The following LOXHD1 variants were observed in gnomAD, a reference collection of about 807,000 sequenced individuals.
The protein encoded by LOXHD1 is lipoxygenase homology PLAT domains 1, also known as lipoxygenase homology domain-containing protein 1.
LOXHD1 carries 205 observed loss-of-function variants against 248.2 expected under a neutral mutation model. The ratio of observed to expected loss-of-function variants is 0.83; its 90% confidence interval spans 0.74 to 0.93. The LOEUF is 0.93. Ranked by LOEUF, LOXHD1 falls within the 40% of genes least tolerant of loss-of-function variation. The probability of loss-of-function intolerance (pLI) is 0.00; values close to 1 mark genes in which losing one functional copy is unlikely to be tolerated. For missense variants in LOXHD1, 2,930 were observed against 2,971.6 expected (o/e 0.99, Z 0.33); for synonymous variants, 1,113 against 1,162.8 (o/e 0.96, Z 0.87).
intron 19 of LOXHD1, 130 bp from the exon 20 acceptor site, chr18:46,559,732 G>A: frequency 1.9e-6 from 2 of 1,067,570 alleles, no homozygotes; most frequent in Non-Finnish European, 2.7e-6. Flanking sequence ...ACTAACCTGG[G>A]ACTGAAACTG....
Position 46,657,141 on chromosome 18 carries a change from T to G in LOXHD1, c.-108A>C. On this transcript the variant is annotated 5_prime_UTR_variant, in exon 1 of 41. Coordinates refer to ENST00000642948, the MANE Select transcript of LOXHD1 (RefSeq NM_001384474.1). ...AGCTCTGGCGCCCACGGCCCTCCTA[T>G]AGCTCAGGCCTGGGTGGGCCAGAGT... 6.6e-7 allele frequency: 1 copy of G among 1,519,538 alleles called. No homozygotes were observed. Among genetic ancestry groups the G allele is most frequent in the Non-Finnish European group, 8.9e-7 (1 of 1,128,318 alleles). The allele number at this position is 1,519,538 out of a possible 1,614,324, so 94.1% of individuals were successfully genotyped here. A position where few individuals can be genotyped will look rare whatever the true frequency, so the allele number is the denominator to read the frequency against.
chr18:46,608,253 G>A (rs181660174), intron 6 of LOXHD1, among the ~76,000 whole-genome samples: 39 of 152,214 alleles, frequency 2.6e-4, no homozygotes, highest in South Asian at 1.7e-3. Context: ...AGAAGTTAAC[G>A]GAATACAATC....
intron 29 of LOXHD1, among the ~76,000 whole-genome samples, chr18:46,525,974 G>C (rs1468299126): frequency 2.0e-5 from 3 of 152,314 alleles, no homozygotes; most frequent in Admixed American, 6.5e-5. Flanking sequence ...TCAGCATTAA[G>C]CTGCAGCTGG....
chr18:46,499,403 C>A (rs2034082688), intron 37 of LOXHD1, among the ~76,000 whole-genome samples: 1 of 152,118 alleles, frequency 6.6e-6, no homozygotes, highest in African/African-American at 2.4e-5. Flanking sequence ...TAAGTTACTT[C>A]ATGCAAGGTG....
chr18:46,565,027 C>A (rs186666377), intron 17 of LOXHD1, among the ~76,000 whole-genome samples: 1 of 152,028 alleles, frequency 6.6e-6, no homozygotes, highest in Non-Finnish European at 1.5e-5. Flanking sequence ...ACTTTGGGAG[C>A]CCAAGGCGGG....
At chr18:46,494,623 G>A (rs143314772) in intron 37 of LOXHD1, among the ~76,000 whole-genome samples, 1 of 152,208 alleles carries the variant, frequency 6.6e-6, no homozygotes, top group East Asian at 1.9e-4. Flanking sequence ...TCTGGGATCT[G>A]GCAGATCAGG....
At chr18:46,625,840 C>G (rs1398775066) in intron 4 of LOXHD1, among the ~76,000 whole-genome samples, 1 of 152,174 alleles carries the variant, frequency 6.6e-6, no homozygotes, top group Non-Finnish European at 1.5e-5. Context: ...TGCTTCCTTT[C>G]CTGCCTCTCT....
At chr18:46,513,646 TC>T (rs2035093917) in intron 34 of LOXHD1, among the ~76,000 whole-genome samples, 1 of 152,222 alleles carries the variant, frequency 6.6e-6, no homozygotes, top group South Asian at 2.1e-4. Flanking sequence ...GTGGATTCTC[TC>T]CCAGAGCCTG....
At chr18:46,494,751 G>T (rs1201252781) in intron 37 of LOXHD1, among the ~76,000 whole-genome samples, 1 of 151,620 alleles carries the variant, frequency 6.6e-6, no homozygotes, top group African/African-American at 2.4e-5. Context: ...CATTAGGCTG[G>T]TTCAAAAGTC....
At chr18:46,528,032 A>C (rs1289887020) in intron 29 of LOXHD1, among the ~76,000 whole-genome samples, 1 of 152,324 alleles carries the variant, frequency 6.6e-6, no homozygotes, top group East Asian at 1.9e-4. Flanking sequence ...AGACCCACTT[A>C]GATGACACCC....
At chr18:46,481,630 C>A (rs2032576400) in intron 40 of LOXHD1, among the ~76,000 whole-genome samples, 1 of 152,220 alleles carries the variant, frequency 6.6e-6, no homozygotes, top group African/African-American at 2.4e-5. Context: ...CCCCTGCAAC[C>A]CCTTCACTTC....
chr18:46,639,784 T>C lies in LOXHD1; in HGVS notation c.343A>G (p.Thr115Ala), dbSNP rs763296984. ...AGGTACCAGCTGGCATTCAAGCCCG[T>C]GTTGTCATGCTCAATCCTGAGGCAG... ...IYKVRIEHDN[T>A]GLNASWYLDH... The change falls in exon 4 of 41, where the codon ACG becomes GCG. Residue 115 changes from threonine (T) to alanine (A), a missense_variant. Thr to Ala is a moderately conservative substitution (Grantham distance 58, BLOSUM62 0). Coordinates refer to ENST00000642948, the MANE Select transcript of LOXHD1 (RefSeq NM_001384474.1). 1.3e-6 allele frequency: 2 copies of C among 1,551,564 alleles called. No homozygotes were observed. Among genetic ancestry groups the C allele is most frequent in the Non-Finnish European group, 1.7e-6 (2 of 1,147,010 alleles).
chr18:46,545,941 A>G (rs929957286), intron 22 of LOXHD1, among the ~76,000 whole-genome samples: 5 of 12,206 alleles, frequency 4.1e-4, no homozygotes, highest in African/African-American at 6.2e-4. Flanking sequence ...CATTTCTAAG[A>G]ATCATTTTTT....
At chr18:46,565,075 C>A (rs753863777) in intron 17 of LOXHD1, among the ~76,000 whole-genome samples, 92 of 152,128 alleles carry the variant, frequency 6.0e-4, no homozygotes, top group Non-Finnish European at 1.2e-3. Flanking sequence ...ACCAGCCTGG[C>A]CAACATGGTG....
chr18:46,515,200 A>G (rs905339312), intron 34 of LOXHD1, among the ~76,000 whole-genome samples: 4 of 152,174 alleles, frequency 2.6e-5, no homozygotes, highest in Non-Finnish European at 4.4e-5. Context: ...ATGCATGCAT[A>G]TCTCAGCCTC....
chr18:46,563,677 C>T (rs1473576397), intron 17 of LOXHD1, among the ~76,000 whole-genome samples: 1 of 152,174 alleles, frequency 6.6e-6, no homozygotes, highest in East Asian at 1.9e-4. Context: ...AAGCCACTAA[C>T]CCCAATACCT....
intron 7 of LOXHD1, 181 bp from the exon 8 acceptor site, chr18:46,601,648 T>C: frequency 1.3e-6 from 1 of 771,910 alleles, no homozygotes; most frequent in South Asian, 1.7e-5. Context: ...CATTTCATCT[T>C]TTCCAGAGTT....
At chr18:46,612,761 C>A (rs1244288271) in intron 5 of LOXHD1, among the ~76,000 whole-genome samples, 1 of 152,130 alleles carries the variant, frequency 6.6e-6, no homozygotes, top group South Asian at 2.1e-4. Flanking sequence ...AAGTCTTCAG[C>A]CCATCTGAAA....
At chr18:46,619,003 G>A (rs941131425) in intron 4 of LOXHD1, among the ~76,000 whole-genome samples, 2 of 152,094 alleles carry the variant, frequency 1.3e-5, no homozygotes, top group Admixed American at 1.3e-4. Flanking sequence ...GATGGGAGAC[G>A]AAGCTTGGTA....
Sources: allele counts gnomAD v4.1 joint callset (sites outside exome capture counted in the v4.1 genomes callset), GRCh38; gene constraint gnomAD v4.1.1; transcripts MANE v1.5; gene names NCBI Gene and HGNC (gene_info 2026-07-23, HGNC 2026-07-21).